Variants in SZT2 observed in about 807,000 individuals in gnomAD.
SZT2 encodes the protein KICSTOR complex protein SZT2.
In SZT2, 216 loss-of-function variants were observed where a neutral mutation model predicts 404.2. That is an observed-to-expected ratio of 0.53 (90% CI 0.48 to 0.60). The LOEUF is 0.60. Ranked by LOEUF, SZT2 falls within the 20% of genes least tolerant of loss-of-function variation. The pLI, the probability that SZT2 is intolerant of heterozygous loss-of-function variation, is 0.00. For missense variants in SZT2, 3,857 were observed against 4,459.2 expected, an observed-to-expected ratio of 0.86 and a Z score of 3.85; for synonymous variants, 1,693 against 1,749.9, an observed-to-expected ratio of 0.97 and a Z score of 0.81.
At chr1:43,404,007 C>G in intron 3 of SZT2, 2 of 557,356 alleles carry the variant, frequency 3.6e-6, no homozygotes, top group Non-Finnish European at 6.4e-6. Flanking sequence ...CTCAGGAGTT[C>G]GAGACTAGCC....
In SZT2 at chr1:43,438,982, C is replaced by T. The variant is rs1004155742; in HGVS notation, c.6681C>T (p.Pro2227=). Residue 2227 remains proline, a synonymous_variant, in exon 48 of 72, where the codon CCC becomes CCT. Coordinates refer to ENST00000634258, the MANE Select transcript of SZT2 (RefSeq NM_001365999.1). ...CAGAGGTGCTGCATCTGGCCCTACC[C>T]ACCTCCTGCAGGCCCTGGCTTCCAG... ...LPSEVLHLAL[P]TSCRPWLPAL... The T allele has an allele frequency of 6.2e-7, 1 of 1,614,104 alleles. No homozygotes were observed. Among genetic ancestry groups the T allele is most frequent in the Non-Finnish European group, 8.5e-7 (1 of 1,180,046 alleles).
Position 43,421,203 on chromosome 1 carries a change from A to G in SZT2, c.1526A>G (p.His509Arg). 6.3e-7 allele frequency: 1 copy of G among 1,598,332 alleles called. No individual in the cohort carries two copies. The highest frequency in any genetic ancestry group is 8.5e-7 in the Non-Finnish European group (1 of 1,179,764). Residue 509 changes from histidine to arginine, a missense_variant, in exon 11 of 72, where the codon CAC becomes CGC. This residue lies in a region of SZT2 where 39 missense variants were observed against 89.7 expected (regional missense o/e 0.43). Transcript: ENST00000634258. ...AACCAGACAGACCAGATGCTTGCCC[A>G]CCTTCAGTCCTTCTCCTCAGTGCCT... The part of the protein sequence containing the change: ...SINQTDQMLA[H>R]LQSFSSVPEH...
chr1:43,396,953 A>G (rs1229719654), intron 1 of SZT2, among the ~76,000 whole-genome samples: 3 of 152,272 alleles, frequency 2.0e-5, no homozygotes, highest in Admixed American at 2.0e-4. Context: ...ACTCTTCGTC[A>G]ACAAAAACCA....
chr1:43,408,917 G>A (rs902079261), intron 4 of SZT2, among the ~76,000 whole-genome samples: 6 of 152,146 alleles, frequency 3.9e-5, no homozygotes, highest in African/African-American at 1.4e-4. Context: ...TGGGGTCAGG[G>A]TCCGAGAGAA....
chr1:43,405,668 A>G lies in SZT2; in HGVS notation c.498+1118A>G, dbSNP rs1397189697. On this transcript the variant is annotated intron_variant, in intron 4 of 71. Coordinates refer to ENST00000634258, the MANE Select transcript of SZT2 (RefSeq NM_001365999.1). ...TTGGTGCATACCTGGATCCCAGGGC[A>G]GGGATTGCCAGCCCTCTGCCCTAGT... is the stretch of plus-strand genomic sequence containing the variant. 5.9e-5 allele frequency: 9 copies of G among 152,254 alleles called. No homozygotes were observed. In the East Asian group the frequency reaches 1.7e-3, roughly 29 times the overall value. The allele number at this position is 152,254 out of a possible 1,614,324, so 9.4% of individuals were successfully genotyped here.
rs755588600 is a variant in SZT2, at chr1:43,452,249, C to T, written c.*1769C>T. 9.8e-5 allele frequency: 158 copies of T among 1,613,902 alleles called. No homozygotes were observed. Among genetic ancestry groups the T allele is most frequent in the Middle Eastern group, 1.6e-4 (1 of 6,084 alleles). On this transcript the variant is annotated 3_prime_UTR_variant, in exon 72 of 72. Coordinates refer to ENST00000634258, the MANE Select transcript of SZT2 (RefSeq NM_001365999.1). ...GCATGCCTCAGGTTCTCCAGAAAAACGGCCTCCATCTCAGCCTTGACTGCT... is the reference window on the plus strand; with the variant it reads ...GCATGCCTCAGGTTCTCCAGAAAAATGGCCTCCATCTCAGCCTTGACTGCT...
chr1:43,426,859 A>G lies in SZT2; in HGVS notation c.3309+50A>G, dbSNP rs1172171763. 6.3e-7 allele frequency: 1 copy of G among 1,589,976 alleles called. No individual in the cohort carries two copies. Among genetic ancestry groups the G allele is most frequent in the East Asian group, 2.2e-5 (1 of 44,644 alleles). ...GCCCTTGTCACACTGACCTCCTTCC[A>G]GCACCACATCTTCAGGCCCCAACCT... On this transcript the variant is annotated intron_variant, in intron 23 of 71. Coordinates refer to ENST00000634258, the MANE Select transcript of SZT2 (RefSeq NM_001365999.1). The surrounding 1 kb of genome is among the most constrained non-coding windows in gnomAD (Gnocchi z 4.9).
intron 62 of SZT2, 50 bp downstream of exon 62, chr1:43,443,846 T>G (rs756269232): frequency 3.7e-6 from 6 of 1,606,272 alleles, no homozygotes; most frequent in Non-Finnish European, 5.1e-6. Flanking sequence ...GCACTGCAAG[T>G]GAGGCCCCAC....
At chr1:43,415,446 T>C (rs1275275383) in intron 5 of SZT2, among the ~76,000 whole-genome samples, 1 of 152,220 alleles carries the variant, frequency 6.6e-6, no homozygotes, top group Non-Finnish European at 1.5e-5. Context: ...TTTGCATTTT[T>C]TTTTAGCCCC....
chr1:43,404,239 A>G (rs1650025331), intron 3 of SZT2, 141 bp from the exon 4 acceptor site: 2 of 711,848 alleles, frequency 2.8e-6, no homozygotes, highest in Non-Finnish European at 4.6e-6. Context: ...CACCCCAGAA[A>G]CTGTTCCATG....
chr1:43,431,114 G>A, intron 33 of SZT2, 24 bp downstream of exon 33: 2 of 1,610,144 alleles, frequency 1.2e-6, no homozygotes, highest in Non-Finnish European at 1.7e-6. Context: ...TTTGGTGGGG[G>A]GTTTGGGACC....
chr1:43,428,176 C>T (rs1310466553), intron 27 of SZT2, 58 bp downstream of exon 27: 1 of 1,611,624 alleles, frequency 6.2e-7, no homozygotes, highest in Non-Finnish European at 8.5e-7. Flanking sequence ...ACAGGGATTA[C>T]AGGGTGGGGA....
chr1:43,427,542 A>G lies in SZT2; in HGVS notation c.3611A>G (p.Asn1204Ser). 6.2e-7 allele frequency: 1 copy of G among 1,614,228 alleles called. No individual in the cohort carries two copies. The highest frequency in any genetic ancestry group is 1.1e-5 in the South Asian group (1 of 91,082). The change falls in exon 26 of 72, where the codon AAT becomes AGT. Residue 1204 changes from asparagine to serine, a missense_variant. Physicochemically the swap from Asn to Ser is conservative, Grantham distance 46. Around this residue, in one of 7 missense-constraint regions of SZT2, gnomAD observed 1,725 missense variants for 1,881.0 expected, o/e 0.92. Coordinates refer to ENST00000634258, the MANE Select transcript of SZT2 (RefSeq NM_001365999.1). The part of the protein sequence containing the change: ...SVTLASDNAQ[N>S]QGELSPPFRR... ...CTTTTCTTCACAGACAATGCCCAGA[A>G]TCAAGGAGAGCTAAGTCCACCATTC...
At position 43,443,179 on chromosome 1, in the gene SZT2, A is replaced by G. The variant is rs780022854; in HGVS notation, c.8420-9A>G. ...GCCTGGGGCTACTACTAATGCCCTC[A>G]ACCCTCAGAGCTGGAGCGCCAGATG... is the stretch of plus-strand genomic sequence containing the variant. On this transcript the variant is annotated splice_polypyrimidine_tract_variant and intron_variant, in intron 59 of 71. Coordinates refer to ENST00000634258, the MANE Select transcript of SZT2 (RefSeq NM_001365999.1). 1.9e-6 allele frequency: 3 copies of G among 1,614,152 alleles called. No individual in the cohort carries two copies. The South Asian group carries it at 3.3e-5, about 18-fold the overall frequency.
chr1:43,413,833 A>G (rs143164192), intron 4 of SZT2, among the ~76,000 whole-genome samples: 18 of 152,318 alleles, frequency 1.2e-4, no homozygotes, highest in African/African-American at 4.3e-4. Flanking sequence ...GGAAGGGGAG[A>G]TGGTTAATGG....
rs917647976 is a variant in SZT2, at chr1:43,441,344, G to A, written c.7475G>A (p.Arg2492Gln). The change falls in exon 53 of 72, where the codon CGG becomes CAG. Residue 2492 changes from arginine to glutamine, a missense_variant. By Grantham distance (43) the Arg-to-Gln change is conservative (BLOSUM62 1). Around this residue, in one of 7 missense-constraint regions of SZT2, gnomAD observed 573 missense variants for 592.4 expected, o/e 0.97. Coordinates refer to ENST00000634258, the MANE Select transcript of SZT2 (RefSeq NM_001365999.1). This position sits in a 1 kb window ranked among gnomAD's most constrained non-coding sequence, Gnocchi z 4.8. ...GTTCGGACTCCTGGTGGAGCTGAGCGGGCGCCAGGCTCAGATTCTGGAGCC... is the reference window on the plus strand; with the variant it reads ...GTTCGGACTCCTGGTGGAGCTGAGCAGGCGCCAGGCTCAGATTCTGGAGCC... ...ESVRTPGGAE[R>Q]APGSDSGAQR... The A allele has an allele frequency of 5.0e-6, 8 of 1,614,076 alleles. No homozygotes were observed. Among genetic ancestry groups the A allele is most frequent in the Middle Eastern group, 1.6e-4 (1 of 6,084 alleles).
Position 43,427,461 on chromosome 1 carries a change from C to G in SZT2, c.3598+16C>G. 1.2e-6 allele frequency: 2 copies of G among 1,611,760 alleles called. No homozygotes were observed. The highest frequency in any genetic ancestry group is 4.5e-5 in the East Asian group (2 of 44,820). The stretch of plus-strand genomic sequence containing the variant: ...CTGGCTAGTGGTAAGGCTGCCGACT[C>G]AAGGTGGGCAGGAGTGGGAGTGGGA... On this transcript the variant is annotated intron_variant, in intron 25 of 71. Transcript: ENST00000634258.
intron 7 of SZT2, among the ~76,000 whole-genome samples, chr1:43,418,040 G>GA: frequency 6.6e-6 from 1 of 152,200 alleles, no homozygotes; most frequent in East Asian, 1.9e-4. Context: ...AATGAGGAAT[G>GA]AAAAGTGCCC....
At chr1:43,412,853 T>C (rs1478919076) in intron 4 of SZT2, 1 of 152,110 alleles carries the variant, frequency 6.6e-6, no homozygotes, top group Non-Finnish European at 1.5e-5. Flanking sequence ...AAAAAAGATC[T>C]CAATAGACAT....
Sources: allele counts gnomAD v4.1 joint callset (sites outside exome capture counted in the v4.1 genomes callset), GRCh38; gene constraint gnomAD v4.1.1; regional missense constraint gnomAD v4.1.1; non-coding constraint Gnocchi (gnomAD v3.1); transcripts MANE v1.5; gene names NCBI Gene and HGNC (gene_info 2026-07-23, HGNC 2026-07-21).